MACROD2: variants seen among roughly 807,000 people sequenced by gnomAD.
The protein encoded by MACROD2 is ADP-ribose glycohydrolase MACROD2.
In MACROD2, 36 loss-of-function variants were observed where a neutral mutation model predicts 70.4. That is an observed-to-expected ratio of 0.51 (90% CI 0.39 to 0.68). The LOEUF (loss-of-function observed/expected upper bound fraction) is 0.68, where lower values mean the gene tolerates loss of function less well. Ranked by LOEUF, MACROD2 falls within the 30% of genes least tolerant of loss-of-function variation. MACROD2 has a pLI of 0.00. For missense variants in MACROD2, 496 were observed against 538.4 expected (o/e 0.92, Z 0.78); for synonymous variants, 172 against 178.8 (o/e 0.96, Z 0.30).
intron 4 of MACROD2, among the ~76,000 whole-genome samples, chr20:14,588,973 G>A (rs2876380): frequency 0.53 from 80,011 of 151,966 alleles, 22,576 homozygotes; most frequent in East Asian, 0.65. Flanking sequence ...TTATTTTAGA[G>A]AGGGGATACA....
chr20:14,361,504 C>A lies in MACROD2; in HGVS notation c.272-131975C>A, dbSNP rs564690822. On this transcript the variant is annotated intron_variant, in intron 3 of 17. Transcript: ENST00000684519. The stretch of plus-strand genomic sequence containing the variant: ...ACCCATACATTTTTGCAGAATTAAA[C>A]TTTAATGAATTGAAATTTCACTCCT... Among the ~76,000 whole-genome samples, 39 of 152,262 alleles carry A rather than the reference C, an allele frequency of 2.6e-4. 1 individual carries two copies. In the South Asian group the frequency reaches 8.1e-3, roughly 32 times the overall value.
At chr20:15,593,363 G>T (rs1247420842) in intron 8 of MACROD2, among the ~76,000 whole-genome samples, 4 of 152,062 alleles carry the variant, frequency 2.6e-5, no homozygotes, top group Admixed American at 2.0e-4. Context: ...GATAACATGC[G>T]CTACTGCCAT....
chr20:14,026,818 T>C (rs1403773537), intron 2 of MACROD2, among the ~76,000 whole-genome samples: 1 of 152,200 alleles, frequency 6.6e-6, no homozygotes, highest in Non-Finnish European at 1.5e-5. Flanking sequence ...GACAATTATG[T>C]GTCTTGGGAC....
intron 5 of MACROD2, among the ~76,000 whole-genome samples, chr20:15,157,410 A>G (rs1044918593): frequency 7.7e-5 from 11 of 142,162 alleles, no homozygotes; most frequent in African/African-American, 2.3e-4. Context: ...CCATCACATC[A>G]GGGGCTGGAG....
chr20:14,269,835 G>T (rs1435438083), intron 3 of MACROD2, among the ~76,000 whole-genome samples: 1 of 151,540 alleles, frequency 6.6e-6, no homozygotes, highest in Non-Finnish European at 1.5e-5. Flanking sequence ...TTTTTAAAGA[G>T]TGTTTTTGGA....
chr20:14,907,270 C>A (rs1163388773), intron 5 of MACROD2, among the ~76,000 whole-genome samples: 1 of 152,212 alleles, frequency 6.6e-6, no homozygotes, highest in African/African-American at 2.4e-5. Context: ...TGCCTCTGGG[C>A]TGCTACTCAG....
At chr20:14,189,782 A>G (rs1223093473) in intron 3 of MACROD2, among the ~76,000 whole-genome samples, 1 of 152,226 alleles carries the variant, frequency 6.6e-6, no homozygotes, top group Admixed American at 6.5e-5. Flanking sequence ...ACTGTATTCT[A>G]TAGTGGGTTT....
intron 8 of MACROD2, among the ~76,000 whole-genome samples, chr20:15,741,433 T>C (rs1312923176): frequency 1.3e-5 from 2 of 152,028 alleles, no homozygotes; most frequent in Non-Finnish European, 2.9e-5. Flanking sequence ...CCGACTGATA[T>C]TGCCTCACCT....
chr20:14,731,841 T>C (rs13040945), intron 5 of MACROD2, among the ~76,000 whole-genome samples: 1 of 152,266 alleles, frequency 6.6e-6, no homozygotes, highest in South Asian at 2.1e-4. Context: ...TCCAGTCGTC[T>C]TTTTTTAAAA....
Position 15,709,480 on chromosome 20 carries a change from C to T in MACROD2, c.646-153265C>T, listed in dbSNP as rs547246697. 1.2e-3 allele frequency among the ~76,000 whole-genome samples: 184 copies of T among 152,030 alleles called. 1 individual carries two copies. The highest frequency in any genetic ancestry group is 4.2e-3 in the African/African-American group (173 of 41,462). ...GTTTGAGACCAGCCTGGGCAACATACTGAGACCCTGCCTCTACAAAAAATA... is the reference window on the plus strand; with the variant it reads ...GTTTGAGACCAGCCTGGGCAACATATTGAGACCCTGCCTCTACAAAAAATA... On this transcript the variant is annotated intron_variant, in intron 8 of 17. Coordinates refer to ENST00000684519, the MANE Select transcript of MACROD2 (RefSeq NM_001351661.2).
chr20:14,818,669 T>A (rs2072801845), intron 5 of MACROD2, among the ~76,000 whole-genome samples: 1 of 151,916 alleles, frequency 6.6e-6, no homozygotes, highest in Non-Finnish European at 1.5e-5. Context: ...CAGTATTACA[T>A]TTTTTGAAGG....
chr20:15,355,997 T>C (rs2078282898), intron 6 of MACROD2, among the ~76,000 whole-genome samples: 1 of 152,230 alleles, frequency 6.6e-6, no homozygotes, highest in Non-Finnish European at 1.5e-5. Context: ...TGTTCTCACC[T>C]TCCTGGGCTC....
chr20:15,537,297 G>A (rs1429548404), intron 8 of MACROD2, among the ~76,000 whole-genome samples: 3 of 151,990 alleles, frequency 2.0e-5, no homozygotes, highest in Non-Finnish European at 4.4e-5. Flanking sequence ...GTGGAATTGT[G>A]AGTCCATTAA....
At chr20:15,450,557 A>G (rs2046627466) in intron 7 of MACROD2, among the ~76,000 whole-genome samples, 1 of 152,168 alleles carries the variant, frequency 6.6e-6, no homozygotes, top group African/African-American at 2.4e-5. Flanking sequence ...TTTGTGTATG[A>G]ATGTGAGAGA....
At position 15,360,219 on chromosome 20, in the gene MACROD2, G is replaced by T. The variant is rs539465626; in HGVS notation, c.541-71186G>T. On this transcript the variant is annotated intron_variant, in intron 6 of 17. Transcript: ENST00000684519. ...TTTTATTGCAGAGTGGTAGTCAATAGTATGGGCATATCATAGTATCCTTAA... is the reference window on the plus strand; with the variant it reads ...TTTTATTGCAGAGTGGTAGTCAATATTATGGGCATATCATAGTATCCTTAA... Among the ~76,000 whole-genome samples, 71 of 152,250 alleles carry T rather than the reference G, an allele frequency of 4.7e-4. 1 individual carries two copies. The highest frequency in any genetic ancestry group is 3.5e-3 in the Admixed American group (53 of 15,292).
At position 14,087,472 on chromosome 20, in the gene MACROD2, C is replaced by T. The variant is rs1037154982; in HGVS notation, c.271+1744C>T. Reference sequence around the variant, plus strand: ...TGCTGTAATCAAGGCTCAGTTTTCTCCTTTTCTTCTTCTGATGCTTCTGCA... The same window carrying T: ...TGCTGTAATCAAGGCTCAGTTTTCTTCTTTTCTTCTTCTGATGCTTCTGCA... On this transcript the variant is annotated intron_variant, in intron 3 of 17. Transcript: ENST00000684519. 5.9e-5 allele frequency among the ~76,000 whole-genome samples: 9 copies of T among 152,200 alleles called. No homozygotes were observed. The South Asian group carries it at 1.9e-3, about 32-fold the overall frequency.
intron 8 of MACROD2, among the ~76,000 whole-genome samples, chr20:15,652,321 A>G (rs1005957947): frequency 1.3e-5 from 2 of 152,168 alleles, no homozygotes; most frequent in African/African-American, 2.4e-5. Context: ...TCTATTTCCA[A>G]TGAGAGTCAT....
At chr20:14,655,490 G>C (rs1168586199) in intron 4 of MACROD2, among the ~76,000 whole-genome samples, 1 of 151,926 alleles carries the variant, frequency 6.6e-6, no homozygotes, top group Non-Finnish European at 1.5e-5. Flanking sequence ...AATCGTGTTT[G>C]GTCGGGTCTT....
chr20:14,422,498 CTT>C (rs1449819730), intron 3 of MACROD2, among the ~76,000 whole-genome samples: 1 of 151,816 alleles, frequency 6.6e-6, no homozygotes, highest in African/African-American at 2.4e-5. Flanking sequence ...CTATTACTGT[CTT>C]ATTTTTGTTC....
Sources: gnomAD v4.1 joint callset for allele counts (sites outside exome capture counted in the v4.1 genomes callset) on GRCh38, gnomAD v4.1.1 for gene constraint, MANE v1.5 for transcripts, NCBI Gene and HGNC (gene_info 2026-07-23, HGNC 2026-07-21) for gene names.